Variants in RELN observed in about 807,000 individuals in gnomAD.
The protein encoded by RELN is reelin.
In RELN, 108 loss-of-function variants were observed where a neutral mutation model predicts 427.6. The ratio of observed to expected loss-of-function variants is 0.25; its 90% CI spans 0.22 to 0.30. RELN has a LOEUF of 0.30. Ranked by LOEUF, RELN falls within the 10% of genes least tolerant of loss-of-function variation. The pLI, the probability that RELN is intolerant of heterozygous loss-of-function variation, is 1.00. For synonymous variants in RELN, 1,524 were observed against 1,513.4 expected (o/e 1.01, Z -0.16); for missense variants, 3,715 against 4,302.8 (o/e 0.86, Z 3.82).
At chr7:103,862,077 C>T (rs137987358) in intron 2 of RELN, among the ~76,000 whole-genome samples, 30 of 152,176 alleles carry the variant, frequency 2.0e-4, no homozygotes, top group African/African-American at 6.5e-4. Context: ...TCACTGTGGT[C>T]ATAACTCCAA....
At chr7:103,786,616 T>G (rs1314468903) in intron 3 of RELN, among the ~76,000 whole-genome samples, 1 of 149,128 alleles carries the variant, frequency 6.7e-6, no homozygotes, top group Non-Finnish European at 1.5e-5. Flanking sequence ...GGGCATTACA[T>G]AATAGTAAAG....
intron 21 of RELN, 73 bp from the exon 22 acceptor site, chr7:103,610,880 G>T: frequency 1.2e-6 from 1 of 828,742 alleles, no homozygotes; most frequent in Non-Finnish European, 2.1e-6. Flanking sequence ...CTCACCCACT[G>T]TAAGTGAAAA....
At chr7:103,688,293 G>A (rs889011370) in intron 10 of RELN, among the ~76,000 whole-genome samples, 2 of 152,006 alleles carry the variant, frequency 1.3e-5, no homozygotes, top group Non-Finnish European at 2.9e-5. Flanking sequence ...AATCCCTCAA[G>A]TTACACACTA....
intron 1 of RELN, among the ~76,000 whole-genome samples, chr7:103,918,990 C>A (rs1317444657): frequency 6.6e-6 from 1 of 152,048 alleles, no homozygotes; most frequent in African/African-American, 2.4e-5. Flanking sequence ...TGATTATAAT[C>A]TGCTTGCTAG....
At chr7:103,714,740 C>T (rs1185536750) in intron 8 of RELN, among the ~76,000 whole-genome samples, 1 of 152,144 alleles carries the variant, frequency 6.6e-6, no homozygotes, top group African/African-American at 2.4e-5. Flanking sequence ...TCGGATAATG[C>T]TTTGTGGCAG....
chr7:103,737,441 G>C (rs1158836035), intron 6 of RELN, among the ~76,000 whole-genome samples: 1 of 152,184 alleles, frequency 6.6e-6, no homozygotes, highest in Non-Finnish European at 1.5e-5. Context: ...CTACTAAATG[G>C]AGGAGTCTTC....
At chr7:103,878,650 T>C (rs1794539224) in intron 2 of RELN, among the ~76,000 whole-genome samples, 1 of 152,068 alleles carries the variant, frequency 6.6e-6, no homozygotes, top group Non-Finnish European at 1.5e-5. Flanking sequence ...AAAAGTTAGC[T>C]CCAACAGATA....
intron 4 of RELN, among the ~76,000 whole-genome samples, chr7:103,772,068 T>C (rs1791582601): frequency 6.6e-6 from 1 of 152,192 alleles, no homozygotes; most frequent in South Asian, 2.1e-4. Flanking sequence ...CCAGGCCTCA[T>C]GGTTTAGCTA....
At chr7:103,486,059 C>A in intron 61 of RELN, 138 bp downstream of exon 61, 1 of 796,150 alleles carries the variant, frequency 1.3e-6, no homozygotes, top group Non-Finnish European at 2.2e-6. Context: ...GCTTCCTTGT[C>A]CCAAATTCAA....
intron 3 of RELN, among the ~76,000 whole-genome samples, chr7:103,787,810 G>A (rs1182674528): frequency 6.6e-6 from 1 of 152,178 alleles, no homozygotes; most frequent in Non-Finnish European, 1.5e-5. Context: ...CAGAAAAAGA[G>A]GGAATCCTCC....
In RELN at chr7:103,594,396, C is replaced by T; in HGVS notation, c.3636G>A (p.Trp1212Ter). The change falls in exon 26 of 65, where the codon TGG (tryptophan) becomes TGA (stop). Residue 1212 changes from tryptophan to a stop codon, truncating the protein, a stop_gained. Transcript: ENST00000428762. LOFTEE classifies it high-confidence loss of function. ...PVFSGEDYDQWAVDDIIILSE... is the reference protein window; with the variant it reads ...PVFSGEDYDQ The stretch of plus-strand genomic sequence containing the variant: ...ACAGAATGATGATGTCATCGACTGC[C>T]CACTGGTCATAGTCCTCCCCTGAGA... 1 of 1,614,032 alleles carries T rather than the reference C, an allele frequency of 6.2e-7. No individual in the cohort carries two copies. Among genetic ancestry groups the T allele is most frequent in the East Asian group, 2.2e-5 (1 of 44,878 alleles).
chr7:103,486,131 A>G, intron 61 of RELN, 66 bp downstream of exon 61: 1 of 1,442,652 alleles, frequency 6.9e-7, no homozygotes, highest in Non-Finnish European at 9.7e-7. Context: ...TATCTAACAG[A>G]CAATGGACAA....
rs34506983 is a variant in RELN at position 103,551,938 on chromosome 7, G to GGTGTGT, written c.6073-648_6073-643dup. ...TAGTTACCTTCTGTGTGTGTGTGTG[G>GGTGTGT]GTGTGTGTGTGTGTGTGTGTGGTAA... On this transcript the variant is annotated intron_variant, in intron 40 of 64. Transcript: ENST00000428762. Among the ~76,000 whole-genome samples, 37 of 144,830 alleles carry GGTGTGT rather than the reference G, an allele frequency of 2.6e-4. No individual in the cohort carries two copies. In the East Asian group the frequency reaches 5.9e-3, roughly 23 times the overall value.
intron 4 of RELN, among the ~76,000 whole-genome samples, chr7:103,767,868 C>G (rs1791463656): frequency 6.6e-6 from 1 of 152,144 alleles, no homozygotes; most frequent in African/African-American, 2.4e-5. Context: ...TACCTGCCAC[C>G]CTATTTAAAA....
At chr7:103,936,390 G>T (rs982655161) in intron 1 of RELN, among the ~76,000 whole-genome samples, 1 of 152,088 alleles carries the variant, frequency 6.6e-6, no homozygotes, top group Non-Finnish European at 1.5e-5. Flanking sequence ...ACTGCACCTC[G>T]CCTGGCTTCT....
At chr7:103,635,387 C>A in intron 19 of RELN, 38 bp downstream of exon 19, 1 of 1,605,180 alleles carries the variant, frequency 6.2e-7, no homozygotes, top group South Asian at 1.1e-5. Flanking sequence ...GAGAAGATTT[C>A]ACTCTACAAC....
At chr7:103,843,855 T>C (rs551779942) in intron 2 of RELN, among the ~76,000 whole-genome samples, 47 of 152,226 alleles carry the variant, frequency 3.1e-4, no homozygotes, top group Non-Finnish European at 6.2e-4. Flanking sequence ...GGAAGCTCTC[T>C]GATCTGCTGG....
At chr7:103,732,451 T>C (rs1392724353) in intron 6 of RELN, among the ~76,000 whole-genome samples, 2 of 152,082 alleles carry the variant, frequency 1.3e-5, no homozygotes, top group African/African-American at 2.4e-5. Context: ...TTTTTTTCTA[T>C]CAATAAAGTA....
intron 3 of RELN, among the ~76,000 whole-genome samples, chr7:103,818,071 A>G (rs1193704624): frequency 6.6e-6 from 1 of 152,086 alleles, no homozygotes; most frequent in African/African-American, 2.4e-5. Flanking sequence ...TGATTCCACT[A>G]ACTTACATTA....
Sources: gnomAD v4.1 joint callset for allele counts (sites outside exome capture counted in the v4.1 genomes callset) on GRCh38, gnomAD v4.1.1 for gene constraint, MANE v1.5 for transcripts, NCBI Gene and HGNC (gene_info 2026-07-23, HGNC 2026-07-21) for gene names.